The following CYLD variants were observed in gnomAD, a reference collection of about 807,000 sequenced individuals.
CYLD encodes the protein ubiquitin carboxyl-terminal hydrolase CYLD.
In CYLD, 26 loss-of-function variants were observed where a neutral mutation model predicts 104.5. That is an observed-to-expected ratio of 0.25 (90% CI 0.18 to 0.35). CYLD has a LOEUF of 0.35. Ranked by LOEUF, CYLD falls within the 10% of genes least tolerant of loss-of-function variation. The pLI, the probability that CYLD is intolerant of heterozygous loss-of-function variation, is 1.00. For missense variants in CYLD, 703 were observed against 1,136.1 expected, an observed-to-expected ratio of 0.62 and a Z score of 5.48; for synonymous variants, 385 against 399.9, an observed-to-expected ratio of 0.96 and a Z score of 0.45.
In CYLD at chr16:50,756,746, C is replaced by T. The variant is rs183796689; in HGVS notation, c.913+2322C>T. ...GGAATGTACCAGGCCCTGAGTTAGACGACTTAATACTTTTTTACATTCTTA... is the reference window on the plus strand; with the variant it reads ...GGAATGTACCAGGCCCTGAGTTAGATGACTTAATACTTTTTTACATTCTTA... On this transcript the variant is annotated intron_variant, in intron 5 of 18. Coordinates refer to ENST00000427738, the MANE Select transcript of CYLD (RefSeq NM_001378743.1). Among the ~76,000 whole-genome samples the T allele has an allele frequency of 3.4e-4, 52 of 152,316 alleles. 1 individual carries two copies. Among genetic ancestry groups the T allele is most frequent in the Middle Eastern group, 3.4e-3 (1 of 294 alleles).
Position 50,800,030 on chromosome 16 carries a change from G to A in CYLD, c.*3522G>A, listed in dbSNP as rs1297660025. 1.3e-5 allele frequency: 3 copies of A among 233,100 alleles called. No homozygotes were observed. Among genetic ancestry groups the A allele is most frequent in the Non-Finnish European group, 2.5e-5 (3 of 118,054 alleles). 14.4% of individuals were successfully genotyped at this position (233,100 alleles called of 1,614,324 possible). On this transcript the variant is annotated 3_prime_UTR_variant, in exon 19 of 19. Coordinates refer to ENST00000427738, the MANE Select transcript of CYLD (RefSeq NM_001378743.1). ...GTGACAGGTCTAGGGGAAGCTTTGG[G>A]AGGTGGTGTGCTGTGACAGAAAAAG...
chr16:50,792,040 C>G (rs1299485979), intron 15 of CYLD, among the ~76,000 whole-genome samples: 1 of 152,090 alleles, frequency 6.6e-6, no homozygotes, highest in African/African-American at 2.4e-5. Flanking sequence ...GTTTACTTCC[C>G]CCCTTCATTA....
chr16:50,796,630 C>T lies in CYLD; in HGVS notation c.*122C>T. The T allele has an allele frequency of 9.7e-7, 1 of 1,028,066 alleles. No homozygotes were observed. The highest frequency in any genetic ancestry group is 1.3e-5 in the South Asian group (1 of 77,120). 63.7% of individuals were successfully genotyped at this position (1,028,066 alleles called of 1,614,324 possible). Reference sequence around the variant, plus strand: ...GGATGTCTTTGTGGTGATGATCCTTCAGAAAAGGATGCCTCTGTTTAAAAA... The same window carrying T: ...GGATGTCTTTGTGGTGATGATCCTTTAGAAAAGGATGCCTCTGTTTAAAAA... On this transcript the variant is annotated 3_prime_UTR_variant, in exon 19 of 19. Coordinates refer to ENST00000427738, the MANE Select transcript of CYLD (RefSeq NM_001378743.1).
intron 10 of CYLD, 64 bp downstream of exon 10, chr16:50,781,475 G>A: frequency 6.5e-7 from 1 of 1,547,716 alleles, no homozygotes; most frequent in South Asian, 1.1e-5. Flanking sequence ...CTCATATCAT[G>A]TTATATTAGG....
At chr16:50,770,060 A>G (rs1968978565) in intron 5 of CYLD, among the ~76,000 whole-genome samples, 1 of 152,208 alleles carries the variant, frequency 6.6e-6, no homozygotes, top group Admixed American at 6.5e-5. Context: ...CTGTTGAAGG[A>G]CATCTGGTTT....
rs773617810 is a variant in CYLD at position 50,777,894 on chromosome 16, A to T, written c.1091A>T (p.Asp364Val). The T allele has an allele frequency of 1.2e-6, 2 of 1,607,490 alleles. No individual in the cohort carries two copies. Among genetic ancestry groups the T allele is most frequent in the Non-Finnish European group, 1.7e-6 (2 of 1,174,480 alleles). The change falls in exon 8 of 19, where the codon GAC becomes GTC. Residue 364 changes from aspartate (D) to valine (V), a missense_variant. By Grantham distance (152) the Asp-to-Val change is radical (BLOSUM62 -3). Around this residue, in one of 5 missense-constraint regions of CYLD, gnomAD observed 183 missense variants for 212.1 expected, o/e 0.86. Transcript: ENST00000427738. ...LFYTLNGSSV[D>V]SQPQSKSKNT... ...TATACCTTAAATGGGTCTTCTGTTG[A>T]CTCACAACCACAATCCAAATCAAAA...
Position 50,797,222 on chromosome 16 carries a change from A to C in CYLD, c.*714A>C, listed in dbSNP as rs912592904. ...ATTTAGCAGTTGAAGCTCTTCATTC[A>C]TAGTAGTTACTGTCAGCTAACAGGT... On this transcript the variant is annotated 3_prime_UTR_variant, in exon 19 of 19. Coordinates refer to ENST00000427738, the MANE Select transcript of CYLD (RefSeq NM_001378743.1). 4 of 232,686 alleles carry C rather than the reference A, an allele frequency of 1.7e-5. No homozygotes were observed. Among genetic ancestry groups the C allele is most frequent in the African/African-American group, 6.6e-5 (3 of 45,308 alleles). The allele number at this position is 232,686 out of a possible 1,614,324, so 14.4% of individuals were successfully genotyped here.
chr16:50,754,394 A>G lies in CYLD; in HGVS notation c.883A>G (p.Ile295Val), dbSNP rs537829084. 11 of 1,612,044 alleles carry G rather than the reference A, an allele frequency of 6.8e-6. No individual in the cohort carries two copies. The highest frequency in any genetic ancestry group is 1.7e-5 in the Admixed American group (1 of 60,006). Reference sequence around the variant, plus strand: ...TAGTTTTGCGTGTGTTGAAAGTACAATTCTATTGCACATCAATGATATCAT... The same window carrying G: ...TAGTTTTGCGTGTGTTGAAAGTACAGTTCTATTGCACATCAATGATATCAT... The part of the protein sequence containing the change: ...LCSFACVEST[I>V]LLHINDIIPA... Residue 295 changes from isoleucine to valine, a missense_variant, in exon 5 of 19, where the codon ATT becomes GTT. Transcript: ENST00000427738.
chr16:50,749,633 C>T lies in CYLD; in HGVS notation c.-66C>T, dbSNP rs1046734074. The T allele has an allele frequency of 6.7e-5, 102 of 1,516,636 alleles. No homozygotes were observed. The highest frequency in any genetic ancestry group is 3.0e-4 in the East Asian group (13 of 43,748). The allele number at this position is 1,516,636 out of a possible 1,614,324, so 93.9% of individuals were successfully genotyped here. On this transcript the variant is annotated 5_prime_UTR_variant, in exon 3 of 19. Transcript: ENST00000427738. Reference sequence around the variant, plus strand: ...GGACTGCCACTGAATTTATCTTTTGCGGTTTTATGACAAAGTTATTAGTAG... The same window carrying T: ...GGACTGCCACTGAATTTATCTTTTGTGGTTTTATGACAAAGTTATTAGTAG...
intron 5 of CYLD, among the ~76,000 whole-genome samples, chr16:50,757,456 C>G (rs1176366513): frequency 2.0e-5 from 3 of 152,078 alleles, no homozygotes; most frequent in African/African-American, 7.2e-5. Context: ...TATTTTGCTT[C>G]CCTTTGGGAA....
rs1247509848 is a variant in CYLD at position 50,768,336 on chromosome 16, CTCTTT to C, written c.914-6825_914-6821del. On this transcript the variant is annotated intron_variant, in intron 5 of 18. Transcript: ENST00000427738. ...TCTGCCTTTCATGTCATCATTAGGA[CTCTTT>C]TCTTGAGGGGAAAAAAAAGTCAAAG... Among the ~76,000 whole-genome samples the C allele has an allele frequency of 2.6e-5, 4 of 152,076 alleles. No homozygotes were observed. The East Asian group carries it at 5.8e-4, about 22-fold the overall frequency.
At chr16:50,790,322 C>T (rs1971299707) in intron 14 of CYLD, among the ~76,000 whole-genome samples, 1 of 152,182 alleles carries the variant, frequency 6.6e-6, no homozygotes, top group Non-Finnish European at 1.5e-5. Flanking sequence ...ATCCTCATTT[C>T]TGCCTTCTTT....
chr16:50,764,521 G>T (rs1968285106), intron 5 of CYLD, among the ~76,000 whole-genome samples: 1 of 152,114 alleles, frequency 6.6e-6, no homozygotes, highest in South Asian at 2.1e-4. Flanking sequence ...TTAATCATTT[G>T]TGCTTTCTTA....
chr16:50,781,174 A>G (rs1970181909), intron 9 of CYLD, 72 bp from the exon 10 acceptor site: 5 of 1,556,228 alleles, frequency 3.2e-6, no homozygotes, highest in Non-Finnish European at 3.5e-6. Context: ...AACAGGTCTT[A>G]GAAACCTTAG....
In CYLD at chr16:50,794,372, A is replaced by C; in HGVS notation, c.2630A>C (p.Lys877Thr). The change falls in exon 18 of 19, where the codon AAG becomes ACG. Residue 877 changes from lysine to threonine, a missense_variant. Lys to Thr is a moderately conservative substitution (Grantham distance 78). Around this residue, in one of 5 missense-constraint regions of CYLD, gnomAD observed 130 missense variants for 220.2 expected, o/e 0.59. Coordinates refer to ENST00000427738, the MANE Select transcript of CYLD (RefSeq NM_001378743.1). The surrounding 1 kb of genome is among the most constrained non-coding windows in gnomAD (Gnocchi z 4.1). ...IETSHYVAFV[K>T]YGKDDSAWLF... ...ACAAGCCACTATGTTGCTTTTGTGA[A>C]GTATGGGAAGGACGATTCTGCCTGG... is the stretch of plus-strand genomic sequence containing the variant. The C allele has an allele frequency of 6.2e-7, 1 of 1,614,164 alleles. No individual in the cohort carries two copies. Among genetic ancestry groups the C allele is most frequent in the South Asian group, 1.1e-5 (1 of 91,080 alleles).
chr16:50,791,811 GA>G, intron 15 of CYLD, 121 bp downstream of exon 15: 2 of 1,119,664 alleles, frequency 1.8e-6, no homozygotes, highest in Non-Finnish European at 2.7e-6. Context: ...AAACTGTTAA[GA>G]AACACAAATT....
chr16:50,769,862 A>G (rs1417865801), intron 5 of CYLD, among the ~76,000 whole-genome samples: 1 of 152,232 alleles, frequency 6.6e-6, no homozygotes, highest in African/African-American at 2.4e-5. Context: ...TCTGTAATTC[A>G]GTCATTTCAA....
At chr16:50,786,643 C>A in intron 12 of CYLD, 1 of 494,254 alleles carries the variant, frequency 2.0e-6, no homozygotes, top group Non-Finnish European at 3.6e-6. Context: ...GCCTGTAATT[C>A]CAGCTACTTT....
In CYLD at chr16:50,799,108, C is replaced by T. The variant is rs1012474594; in HGVS notation, c.*2600C>T. ...GCCTGCTGGTTATTTAATTTTCAGC[C>T]TTAAGTTTTCTTTAATATTTTCCTG... On this transcript the variant is annotated 3_prime_UTR_variant, in exon 19 of 19. Coordinates refer to ENST00000427738, the MANE Select transcript of CYLD (RefSeq NM_001378743.1). The T allele has an allele frequency of 4.3e-6, 1 of 233,146 alleles. No homozygotes were observed. Among genetic ancestry groups the T allele is most frequent in the Non-Finnish European group, 8.5e-6 (1 of 118,042 alleles). 14.4% of individuals were successfully genotyped at this position (233,146 alleles called of 1,614,324 possible). A position where few individuals can be genotyped will look rare whatever the true frequency, so the allele number is the denominator to read the frequency against.
Sources: allele counts gnomAD v4.1 joint callset (sites outside exome capture counted in the v4.1 genomes callset), GRCh38; gene constraint gnomAD v4.1.1; regional missense constraint gnomAD v4.1.1; non-coding constraint Gnocchi (gnomAD v3.1); transcripts MANE v1.5; gene names NCBI Gene and HGNC (gene_info 2026-07-23, HGNC 2026-07-21).